SNRPG: variants seen among roughly 807,000 people sequenced by gnomAD.
The protein encoded by SNRPG is small nuclear ribonucleoprotein polypeptide G, also known as small nuclear ribonucleoprotein G.
Under a neutral mutation model 13.9 loss-of-function variants are expected in SNRPG, and 3 were observed. The ratio of observed to expected loss-of-function variants is 0.22; its 90% CI spans 0.10 to 0.56. The LOEUF is 0.56. SNRPG is among the 20% of genes least tolerant of loss of function. The pLI is 0.93. For synonymous variants in SNRPG, 29 were observed against 29.3 expected (o/e 0.99, Z 0.03); for missense variants, 34 against 96.1 (o/e 0.35, Z 2.70).
intron 3 of SNRPG, 53 bp from the exon 4 acceptor site, chr2:70,281,737 C>T: frequency 1.1e-6 from 1 of 948,194 alleles, no homozygotes; most frequent in Non-Finnish European, 1.7e-6. Context: ...ACAGACATAA[C>T]TATGATGATT....
intron 3 of SNRPG, among the ~76,000 whole-genome samples, chr2:70,283,202 AG>A (rs1320994587): frequency 1.3e-5 from 2 of 150,646 alleles, no homozygotes; most frequent in Non-Finnish European, 3.0e-5. Flanking sequence ...TGAATTCAAG[AG>A]GGGTAGAAAA....
chr2:70,293,096 C>T (rs1038117423), intron 1 of SNRPG: 2 of 702,190 alleles, frequency 2.8e-6, no homozygotes, highest in Non-Finnish European at 5.2e-6. Flanking sequence ...TCAAGCTTAA[C>T]GTAAAAGAAG....
intron 1 of SNRPG, 148 bp downstream of exon 1, chr2:70,293,470 G>C: frequency 1.3e-6 from 1 of 787,462 alleles, no homozygotes; most frequent in Non-Finnish European, 2.3e-6. Context: ...TCTCATGCGC[G>C]GGAGCCTGGC....
intron 3 of SNRPG, among the ~76,000 whole-genome samples, chr2:70,283,207 T>C (rs1370969849): frequency 1.6e-5 from 2 of 127,566 alleles, no homozygotes; most frequent in Non-Finnish European, 3.3e-5. Context: ...TCAAGAGGGG[T>C]AGAAAAATAA....
At chr2:70,288,546 C>A (rs1004568443) in intron 2 of SNRPG, among the ~76,000 whole-genome samples, 1 of 152,034 alleles carries the variant, frequency 6.6e-6, no homozygotes, top group African/African-American at 2.4e-5. Context: ...TAGGTGTAAA[C>A]CACCGTGCCC....
chr2:70,293,739 G>T lies in SNRPG; in HGVS notation c.-90C>A, dbSNP rs1697168896. On this transcript the variant is annotated 5_prime_UTR_variant, in exon 1 of 4. Transcript: ENST00000272348. ...CTGTAGGCCCGGCGTCTTGCGTCTG[G>T]CGTCATCGACCTCGTTAGCCAATGG... is the stretch of plus-strand genomic sequence containing the variant. The T allele has an allele frequency of 5.6e-6, 7 of 1,255,158 alleles. No homozygotes were observed. Among genetic ancestry groups the T allele is most frequent in the Non-Finnish European group, 7.0e-6 (6 of 853,244 alleles). The allele number at this position is 1,255,158 out of a possible 1,614,324, so 77.8% of individuals were successfully genotyped here. A position where few individuals can be genotyped will look rare whatever the true frequency, so the allele number is the denominator to read the frequency against.
intron 3 of SNRPG, among the ~76,000 whole-genome samples, chr2:70,284,227 CA>C (rs1431065223): frequency 6.6e-6 from 1 of 152,170 alleles, no homozygotes; most frequent in Non-Finnish European, 1.5e-5. Flanking sequence ...TATTCACATG[CA>C]CAATCACTGC....
intron 1 of SNRPG, chr2:70,293,403 G>A (rs1176726474): frequency 1.6e-6 from 1 of 635,702 alleles, no homozygotes; most frequent in Non-Finnish European, 2.9e-6. Context: ...CCGGAAGGAG[G>A]TGCCGTGGCT....
rs1261203499 is a variant in SNRPG at position 70,283,081 on chromosome 2, G to GA, written c.181-1398dup. Among the ~76,000 whole-genome samples the GA allele has an allele frequency of 4.6e-5, 4 of 87,104 alleles. No homozygotes were observed. In the South Asian group the frequency reaches 1.2e-3, roughly 27 times the overall value. 57.1% of individuals were successfully genotyped at this position (87,104 alleles called of 152,430 possible). ...CTGCACTCCAGCCTGGGCAACGAGC[G>GA]AAACTGTCTTTTGTCAAAAAAAAAA... On this transcript the variant is annotated intron_variant, in intron 3 of 3. Coordinates refer to ENST00000272348, the MANE Select transcript of SNRPG (RefSeq NM_003096.4).
In SNRPG at chr2:70,293,727, G is replaced by T; in HGVS notation, c.-78C>A. On this transcript the variant is annotated 5_prime_UTR_variant, in exon 1 of 4. Coordinates refer to ENST00000272348, the MANE Select transcript of SNRPG (RefSeq NM_003096.4). ...CTCACGCTCCCGCTGTAGGCCCGGC[G>T]TCTTGCGTCTGGCGTCATCGACCTC... The T allele has an allele frequency of 1.4e-6, 2 of 1,385,974 alleles. No individual in the cohort carries two copies. Among genetic ancestry groups the T allele is most frequent in the Non-Finnish European group, 2.1e-6 (2 of 972,142 alleles). The allele number at this position is 1,385,974 out of a possible 1,614,324, so 85.9% of individuals were successfully genotyped here.
chr2:70,293,017 T>A, intron 1 of SNRPG: 1 of 620,896 alleles, frequency 1.6e-6, no homozygotes, highest in East Asian at 2.8e-5. Flanking sequence ...AAAATTAATG[T>A]TCTTAAAAAA....
chr2:70,284,391 T>C (rs1484282716), intron 3 of SNRPG, among the ~76,000 whole-genome samples: 1 of 152,148 alleles, frequency 6.6e-6, no homozygotes, highest in African/African-American at 2.4e-5. Flanking sequence ...ATTTTAATTA[T>C]TATTTTTTTT....
At chr2:70,283,402 TGGA>T (rs1034943914) in intron 3 of SNRPG, among the ~76,000 whole-genome samples, 7 of 152,128 alleles carry the variant, frequency 4.6e-5, no homozygotes, top group Non-Finnish European at 8.8e-5. Context: ...TTATTAGAAA[TGGA>T]GGCATTCCAA....
Position 70,281,655 on chromosome 2 carries a change from TA to T in SNRPG, c.209del (p.Leu70Ter). ...VVIRGNSIIMLEALERV is the reference protein window; with the variant it reads ...VVIRGNSIIMXEALERV Reference sequence around the variant, plus strand: ...TTATTTATACTCGTTCCAAGGCTTCTAACATGATGATACTATTTCCTCGTAT... The same window carrying T: ...TTATTTATACTCGTTCCAAGGCTTCTACATGATGATACTATTTCCTCGTAT... On this transcript the variant is annotated frameshift_variant, in exon 4 of 4. Transcript: ENST00000272348. LOFTEE classifies it high-confidence loss of function. The T allele has an allele frequency of 6.3e-7, 1 of 1,582,366 alleles. No homozygotes were observed. Among genetic ancestry groups the T allele is most frequent in the Non-Finnish European group, 8.7e-7 (1 of 1,155,130 alleles).
chr2:70,283,618 C>T (rs1052918887), intron 3 of SNRPG, among the ~76,000 whole-genome samples: 1 of 152,050 alleles, frequency 6.6e-6, no homozygotes, highest in Non-Finnish European at 1.5e-5. Flanking sequence ...ACAGAGGGCT[C>T]AATAACCTGG....
chr2:70,291,941 A>C (rs1697108163), intron 1 of SNRPG, among the ~76,000 whole-genome samples: 1 of 147,994 alleles, frequency 6.8e-6, no homozygotes, highest in Non-Finnish European at 1.5e-5. Flanking sequence ...ATTTCTGAGT[A>C]ACTTCTATTT....
chr2:70,290,636 T>G (rs750609213), intron 1 of SNRPG, among the ~76,000 whole-genome samples: 3 of 151,638 alleles, frequency 2.0e-5, no homozygotes, highest in African/African-American at 2.4e-5. Context: ...TGGGAAAATG[T>G]AAATATAAAA....
At chr2:70,292,473 G>A (rs528510369) in intron 1 of SNRPG, among the ~76,000 whole-genome samples, 1 of 152,208 alleles carries the variant, frequency 6.6e-6, no homozygotes, top group African/African-American at 2.4e-5. Context: ...TCAACCTCCG[G>A]AATAGCTGAG....
intron 3 of SNRPG, chr2:70,287,179 T>C (rs1696962765): frequency 3.3e-6 from 2 of 612,652 alleles, no homozygotes; most frequent in African/African-American, 1.9e-5. Context: ...CAGGCAGAGA[T>C]GTCAAAATAG....
Sources: gnomAD v4.1 joint callset for allele counts (sites outside exome capture counted in the v4.1 genomes callset) on GRCh38, gnomAD v4.1.1 for gene constraint, MANE v1.5 for transcripts, NCBI Gene and HGNC (gene_info 2026-07-23, HGNC 2026-07-21) for gene names.